The following ANTXR2 variants were observed in gnomAD, a reference collection of about 807,000 sequenced individuals.
ANTXR2 encodes the protein ANTXR cell adhesion molecule 2.
ANTXR2 carries 44 observed loss-of-function variants against 73.7 expected under a neutral mutation model. The observed-to-expected ratio is 0.60, with a 90% CI of 0.47 to 0.77. The LOEUF (loss-of-function observed/expected upper bound fraction) is 0.77, where lower values mean the gene tolerates loss of function less well. ANTXR2 is among the 30% of genes least tolerant of loss of function. The probability of loss-of-function intolerance (pLI) is 0.00; values close to 1 mark genes in which losing one functional copy is unlikely to be tolerated. For missense variants in ANTXR2, 604 were observed against 592.5 expected, an observed-to-expected ratio of 1.02 and a Z score of -0.20; for synonymous variants, 217 against 205.9, an observed-to-expected ratio of 1.05 and a Z score of -0.46.
At chr4:80,011,853 G>A (rs949856106) in intron 11 of ANTXR2, among the ~76,000 whole-genome samples, 4 of 152,156 alleles carry the variant, frequency 2.6e-5, no homozygotes, top group East Asian at 3.8e-4. Context: ...CCAGTTAACC[G>A]AGCTGATGTC....
At chr4:80,069,531 T>A in intron 2 of ANTXR2, 24 bp from the exon 3 acceptor site, 2 of 1,525,072 alleles carry the variant, frequency 1.3e-6, no homozygotes, top group East Asian at 2.3e-5. Context: ...AAAGAGGCAG[T>A]TAAAACATTT....
intron 14 of ANTXR2, among the ~76,000 whole-genome samples, chr4:79,981,788 T>C (rs1417771046): frequency 6.6e-6 from 1 of 152,172 alleles, no homozygotes. Context: ...GTTGATGGAA[T>C]ACTCCATGCA....
chr4:80,066,503 T>C (rs1007025845), intron 3 of ANTXR2, among the ~76,000 whole-genome samples: 2 of 152,272 alleles, frequency 1.3e-5, no homozygotes, highest in African/African-American at 4.8e-5. Flanking sequence ...AGTAGTGTTA[T>C]TAAAATTCCT....
chr4:80,071,603 T>C lies in ANTXR2; in HGVS notation c.204A>G (p.Gln68=), dbSNP rs1172597185. Residue 68 remains glutamine (Q), a synonymous_variant, in exon 2 of 17, where the codon CAA becomes CAG. Coordinates refer to ENST00000403729, the MANE Select transcript of ANTXR2 (RefSeq NM_058172.6). ...GATACCTCACAAATCTCTCCGCAAG[T>C]TGCTGTACGAAATTATAAATTTCAA... ...NWIEIYNFVQ[Q]LAERFVSPEM... 2 of 1,612,956 alleles carry C rather than the reference T, an allele frequency of 1.2e-6. No homozygotes were observed.
intron 16 of ANTXR2, among the ~76,000 whole-genome samples, chr4:79,927,432 CACCTGGCAGATATCAA>C (rs1454550193): frequency 6.6e-6 from 1 of 152,042 alleles, no homozygotes; most frequent in African/African-American, 2.4e-5. Context: ...TTCCAAGACC[CACCTGGCAGATATCAA>C]AATCTGCAGA....
At chr4:79,952,571 T>C (rs1013677627) in intron 16 of ANTXR2, among the ~76,000 whole-genome samples, 2 of 151,972 alleles carry the variant, frequency 1.3e-5, no homozygotes, top group African/African-American at 4.8e-5. Flanking sequence ...AGAAAAATTA[T>C]AGCACTTATA....
chr4:79,927,061 G>GTATATA (rs71220390), intron 16 of ANTXR2, among the ~76,000 whole-genome samples: 65 of 144,686 alleles, frequency 4.5e-4, no homozygotes, highest in African/African-American at 1.4e-3. Context: ...GTGTGTGTGT[G>GTATATA]TATATATATA....
Position 80,036,002 on chromosome 4 carries a change from C to T in ANTXR2, c.667G>A (p.Glu223Lys). 1 of 1,533,564 alleles carries T rather than the reference C, an allele frequency of 6.5e-7. No individual in the cohort carries two copies. The highest frequency in any genetic ancestry group is 2.1e-5 in the Admixed American group (1 of 46,764). 95.0% of individuals were successfully genotyped at this position (1,533,564 alleles called of 1,614,324 possible). The change falls in exon 8 of 17, where the codon GAA (glutamate) becomes AAA (lysine). Residue 223 changes from glutamate to lysine, a missense_variant. By Grantham distance (56) the Glu-to-Lys change is moderately conservative (BLOSUM62 1). Coordinates refer to ENST00000403729, the MANE Select transcript of ANTXR2 (RefSeq NM_058172.6). ...ILAQSCTEILELQPSSVCVGE... is the reference protein window; with the variant it reads ...ILAQSCTEILKLQPSSVCVGE... ...ACACAGACACTTGAGGGCTGCAATT[C>T]TAGGATTTCAGTACATGACTGAGCT...
At chr4:79,987,274 GAAAAAAA>G (rs58238337) in intron 12 of ANTXR2, among the ~76,000 whole-genome samples, 1 of 118,466 alleles carries the variant, frequency 8.4e-6, no homozygotes, top group African/African-American at 3.1e-5. Flanking sequence ...GCCATTTTAA[GAAAAAAA>G]AAAAAAAAAT....
At chr4:80,061,837 A>G (rs1394189167) in intron 3 of ANTXR2, among the ~76,000 whole-genome samples, 1 of 152,172 alleles carries the variant, frequency 6.6e-6, no homozygotes, top group Admixed American at 6.5e-5. Flanking sequence ...ATAGAAAAAA[A>G]CTGTATGAAG....
intron 16 of ANTXR2, among the ~76,000 whole-genome samples, chr4:79,953,454 A>T (rs1466518986): frequency 1.3e-5 from 2 of 152,156 alleles, no homozygotes; most frequent in Middle Eastern, 6.3e-3. Flanking sequence ...AGATTTTAAG[A>T]GGGAATTATA....
At chr4:79,974,066 A>G (rs1313067923) in intron 16 of ANTXR2, among the ~76,000 whole-genome samples, 2 of 152,172 alleles carry the variant, frequency 1.3e-5, no homozygotes, top group Admixed American at 6.5e-5. Flanking sequence ...TTTATTAAAA[A>G]TCCTTGGGAA....
chr4:79,964,086 G>A (rs1469101659), intron 16 of ANTXR2, among the ~76,000 whole-genome samples: 2 of 152,132 alleles, frequency 1.3e-5, no homozygotes, highest in Non-Finnish European at 2.9e-5. Context: ...AAAAACAAAT[G>A]GTGGATGTAC....
At chr4:79,928,529 T>C (rs965693169) in intron 16 of ANTXR2, among the ~76,000 whole-genome samples, 13 of 152,190 alleles carry the variant, frequency 8.5e-5, no homozygotes, top group African/African-American at 3.1e-4. Context: ...TGTTTTACCA[T>C]AGTAAAAATA....
intron 11 of ANTXR2, among the ~76,000 whole-genome samples, chr4:80,011,110 C>T (rs1418441677): frequency 1.3e-5 from 2 of 151,646 alleles, no homozygotes; most frequent in African/African-American, 4.8e-5. Flanking sequence ...TCATGCCACG[C>T]ACTCCAGCCT....
chr4:79,965,054 A>G (rs79075113), intron 16 of ANTXR2: 13,897 of 150,762 alleles, frequency 0.092, 735 homozygotes, highest in Middle Eastern at 0.23. Context: ...TCAGCAGTGA[A>G]TTCTTCCACA....
At chr4:79,923,336 T>C (rs1000687010) in intron 16 of ANTXR2, among the ~76,000 whole-genome samples, 4 of 152,116 alleles carry the variant, frequency 2.6e-5, no homozygotes, top group African/African-American at 4.8e-5. Context: ...AAGGAAACAA[T>C]AGTGGTAAAC....
chr4:80,052,296 C>T (rs955127007), intron 7 of ANTXR2, among the ~76,000 whole-genome samples: 5 of 151,544 alleles, frequency 3.3e-5, no homozygotes, highest in Non-Finnish European at 7.4e-5. Context: ...TCAGATGGTA[C>T]TATGCAATTA....
chr4:79,995,169 A>G (rs922162377), intron 12 of ANTXR2, among the ~76,000 whole-genome samples: 7 of 151,978 alleles, frequency 4.6e-5, no homozygotes, highest in Non-Finnish European at 1.5e-5. Flanking sequence ...TGATTTTGTA[A>G]TTTTTAAATT....
Sources: allele counts gnomAD v4.1 joint callset (sites outside exome capture counted in the v4.1 genomes callset), GRCh38; gene constraint gnomAD v4.1.1; transcripts MANE v1.5; gene names NCBI Gene and HGNC (gene_info 2026-07-23, HGNC 2026-07-21).